Variants in DPH5 observed in about 807,000 individuals in gnomAD.
The protein encoded by DPH5 is diphthamide biosynthesis 5, also known as diphthine methyl ester synthase.
Under a neutral mutation model 31.6 loss-of-function variants are expected in DPH5, and 31 were observed. That is an observed-to-expected ratio of 0.98 (90% CI 0.74 to 1.32). The LOEUF (loss-of-function observed/expected upper bound fraction) is 1.32, where lower values mean the gene tolerates loss of function less well. Among genes scored for constraint, DPH5 ranks in the 40% most tolerant of loss-of-function variants. The probability of loss-of-function intolerance (pLI) is 0.00; values close to 1 mark genes in which losing one functional copy is unlikely to be tolerated. For missense variants in DPH5, 309 were observed against 335.7 expected (o/e 0.92, Z 0.62); for synonymous variants, 120 against 115.0 (o/e 1.04, Z -0.28).
Position 100,990,436 on chromosome 1 carries a change from G to A in DPH5, c.830C>T (p.Ser277Leu). The A allele has an allele frequency of 6.2e-7, 1 of 1,614,008 alleles. No homozygotes were observed. Among genetic ancestry groups the A allele is most frequent in the Non-Finnish European group, 8.5e-7 (1 of 1,179,950 alleles). ...AAGTCCATTGATGCTTTGAGATTCTGAGCTATTTTCTGGTATGGAAAACAG... is the reference window on the plus strand; with the variant it reads ...AAGTCCATTGATGCTTTGAGATTCTAAGCTATTTTCTGGTATGGAAAACAG... ...LSLFSIPENS[S>L]ESQSINGL is the part of the protein sequence containing the mutation. The change falls in exon 8 of 8, where the codon TCA becomes TTA. Residue 277 changes from serine to leucine, a missense_variant. Physicochemically the swap from Ser to Leu is moderately radical, Grantham distance 145. Coordinates refer to ENST00000370109, the MANE Select transcript of DPH5 (RefSeq NM_015958.3).
intron 5 of DPH5, among the ~76,000 whole-genome samples, chr1:100,996,710 C>T (rs746678839): frequency 7.9e-5 from 12 of 151,910 alleles, no homozygotes; most frequent in Non-Finnish European, 1.5e-4. Context: ...TCTTTGTTGA[C>T]TTCTCCTCAA....
chr1:101,020,358 T>A (rs1392544249), intron 3 of DPH5, among the ~76,000 whole-genome samples: 1 of 152,138 alleles, frequency 6.6e-6, no homozygotes, highest in African/African-American at 2.4e-5. Flanking sequence ...ATTGAAGGTA[T>A]TCAGTCTTTC....
intron 4 of DPH5, among the ~76,000 whole-genome samples, chr1:101,009,713 T>G (rs372710406): frequency 1.5e-4 from 23 of 152,350 alleles, no homozygotes; most frequent in African/African-American, 4.8e-4. Flanking sequence ...GATCAAGTAT[T>G]TATACTGCTT....
chr1:101,015,225 A>ATTTC (rs1659991767), intron 3 of DPH5, among the ~76,000 whole-genome samples: 1 of 150,018 alleles, frequency 6.7e-6, no homozygotes, highest in Non-Finnish European at 1.5e-5. Context: ...GCCTCACAAA[A>ATTTC]TATATTTCTT....
intron 4 of DPH5, among the ~76,000 whole-genome samples, chr1:101,008,134 A>G (rs1659371377): frequency 6.6e-6 from 1 of 152,206 alleles, no homozygotes; most frequent in Non-Finnish European, 1.5e-5. Context: ...TTTGGCTTCC[A>G]AATCTATATT....
At chr1:101,013,273 C>T (rs1570692133) in intron 4 of DPH5, among the ~76,000 whole-genome samples, 1 of 152,296 alleles carries the variant, frequency 6.6e-6, no homozygotes, top group South Asian at 2.1e-4. Context: ...ACTAACTTTA[C>T]ACATCAATAA....
intron 5 of DPH5, among the ~76,000 whole-genome samples, chr1:100,996,997 C>T (rs1658410303): frequency 6.6e-6 from 1 of 152,190 alleles, no homozygotes; most frequent in Admixed American, 6.5e-5. Flanking sequence ...ACACTCTGTT[C>T]CTTCCTGCTT....
chr1:100,992,794 G>T (rs1657889799), intron 6 of DPH5, 54 bp from the exon 7 acceptor site: 4 of 1,237,088 alleles, frequency 3.2e-6, no homozygotes, highest in African/African-American at 3.0e-5. Flanking sequence ...TACATAATAT[G>T]TTATTAATGC....
chr1:101,022,801 G>C (rs989133170), intron 2 of DPH5: 1 of 152,176 alleles, frequency 6.6e-6, no homozygotes, highest in Non-Finnish European at 1.5e-5. Context: ...CATTTTGCTT[G>C]AATCCTACCT....
At chr1:101,002,364 G>A (rs894036938) in intron 4 of DPH5, among the ~76,000 whole-genome samples, 5 of 152,126 alleles carry the variant, frequency 3.3e-5, no homozygotes, top group Non-Finnish European at 5.9e-5. Flanking sequence ...TCTGCAACTT[G>A]TTGGCTGTGT....
intron 4 of DPH5, among the ~76,000 whole-genome samples, chr1:101,006,790 T>C (rs1259719153): frequency 2.6e-5 from 4 of 152,138 alleles, no homozygotes; most frequent in African/African-American, 9.7e-5. Context: ...TATACATTTT[T>C]CCAAACTAGA....
intron 4 of DPH5, among the ~76,000 whole-genome samples, chr1:101,002,516 A>G (rs1046333195): frequency 8.5e-5 from 13 of 152,222 alleles, no homozygotes; most frequent in African/African-American, 3.1e-4. Context: ...TTCTTATCTC[A>G]GCACTGAGCA....
chr1:101,025,463 G>A lies in DPH5; in HGVS notation c.-20C>T. The A allele has an allele frequency of 6.2e-7, 1 of 1,613,444 alleles. No individual in the cohort carries two copies. Among genetic ancestry groups the A allele is most frequent in the Non-Finnish European group, 8.5e-7 (1 of 1,179,940 alleles). On this transcript the variant is annotated 5_prime_UTR_variant, in exon 2 of 8. Coordinates refer to ENST00000370109, the MANE Select transcript of DPH5 (RefSeq NM_015958.3). ...AAGCATTTCAAACTTGAGGAGAAGA[G>A]AGACTGCAAGACGAAGTGGACAGAA...
At chr1:101,005,390 T>C (rs1036538923) in intron 4 of DPH5, among the ~76,000 whole-genome samples, 3 of 152,240 alleles carry the variant, frequency 2.0e-5, no homozygotes, top group Non-Finnish European at 4.4e-5. Flanking sequence ...ACTAGTTTTC[T>C]CTTCTATACA....
intron 4 of DPH5, among the ~76,000 whole-genome samples, chr1:101,007,767 CAAAG>C (rs1283357443): frequency 2.8e-5 from 4 of 144,438 alleles, no homozygotes; most frequent in African/African-American, 1.0e-4. Context: ...AAAAAAAAAA[CAAAG>C]AAAAGTGCTT....
At chr1:100,996,163 C>T (rs1658328823) in intron 5 of DPH5, 1 of 152,012 alleles carries the variant, frequency 6.6e-6, no homozygotes, top group Non-Finnish European at 1.5e-5. Context: ...GAGAAAAAAA[C>T]GAATGCCTGT....
chr1:100,994,942 A>G (rs1403584292), intron 6 of DPH5, among the ~76,000 whole-genome samples, 168 bp downstream of exon 6: 4 of 152,110 alleles, frequency 2.6e-5, no homozygotes, highest in Non-Finnish European at 5.9e-5. Context: ...TGCTATTTCT[A>G]CTCTATTATA....
intron 7 of DPH5, among the ~76,000 whole-genome samples, chr1:100,992,143 C>T (rs1657808150): frequency 6.7e-6 from 1 of 150,226 alleles, no homozygotes; most frequent in Non-Finnish European, 1.5e-5. Context: ...TGACAATAAA[C>T]ATTTCTATTA....
At chr1:100,996,364 G>C (rs1406146763) in intron 5 of DPH5, 1 of 152,146 alleles carries the variant, frequency 6.6e-6, no homozygotes, top group Non-Finnish European at 1.5e-5. Context: ...TATAGAATCT[G>C]ATTTTTAAAA....
Sources: allele counts gnomAD v4.1 joint callset (sites outside exome capture counted in the v4.1 genomes callset), GRCh38; gene constraint gnomAD v4.1.1; transcripts MANE v1.5; gene names NCBI Gene and HGNC (gene_info 2026-07-23, HGNC 2026-07-21).